ZNF418: variants seen among roughly 807,000 people sequenced by gnomAD.
The protein encoded by ZNF418 is zinc finger protein 418.
In ZNF418, 32 loss-of-function variants were observed where a neutral mutation model predicts 32.0. The ratio of observed to expected loss-of-function variants is 1.00; its 90% CI spans 0.75 to 1.34. The LOEUF is 1.34. Ranked by LOEUF, ZNF418 falls within the 40% of genes most tolerant of loss-of-function variation. The pLI, the probability that ZNF418 is intolerant of heterozygous loss-of-function variation, is 0.00. For missense variants in ZNF418, 804 were observed against 812.5 expected (o/e 0.99, Z 0.13); for synonymous variants, 276 against 270.7 (o/e 1.02, Z -0.19).
At position 57,927,833 on chromosome 19, in the gene ZNF418, C is replaced by A. The variant is rs756342594; in HGVS notation, c.348G>T (p.Gly116=). ...KQKLHRCEAW[G]NKLYDSSNRP... ...GGTTTGAACTATCATACAATTTATT[C>A]CCCCATGCCTCACACCTGTGCAGTT... The change falls in exon 4 of 6, where the codon GGG becomes GGT. Residue 116 remains glycine (G), a synonymous_variant. Transcript: ENST00000396147. 33 of 1,613,956 alleles carry A rather than the reference C, an allele frequency of 2.0e-5. No individual in the cohort carries two copies. In the South Asian group the frequency reaches 3.6e-4, roughly 18 times the overall value.
At position 57,934,175 on chromosome 19, in the gene ZNF418, G is replaced by GTTTTT; in HGVS notation, c.-80-274_-80-273insAAAAA. The GTTTTT allele has an allele frequency of 2.5e-6, 3 of 1,200,776 alleles. No individual in the cohort carries two copies. In the South Asian group the frequency reaches 7.5e-5, roughly 30 times the overall value. The allele number at this position is 1,200,776 out of a possible 1,614,324, so 74.4% of individuals were successfully genotyped here. The stretch of plus-strand genomic sequence containing the variant: ...CAGGACATCACAAGCTAGAGAACAT[G>GTTTTT]TGAATGGGGAATAAGGCCAGTGAGG... On this transcript the variant is annotated intron_variant, in intron 1 of 5. Coordinates refer to ENST00000396147, the MANE Select transcript of ZNF418 (RefSeq NM_133460.3).
At chr19:57,930,320 G>A (rs1039033312) in intron 3 of ZNF418, 108 bp downstream of exon 3, 14 of 1,547,038 alleles carry the variant, frequency 9.0e-6, no homozygotes, top group Non-Finnish European at 1.2e-5. Context: ...AGTGGAGAAG[G>A]AAGCTGTGCC....
intron 3 of ZNF418, among the ~76,000 whole-genome samples, chr19:57,928,735 T>C (rs1234606387): frequency 6.6e-6 from 1 of 151,652 alleles, no homozygotes; most frequent in Non-Finnish European, 1.5e-5. Context: ...GGCTCACACC[T>C]GTAATCCCAG....
chr19:57,924,985 A>T (rs941801734), intron 4 of ZNF418, among the ~76,000 whole-genome samples: 7 of 152,178 alleles, frequency 4.6e-5, no homozygotes, highest in African/African-American at 1.7e-4. Flanking sequence ...AAGTCTAGTG[A>T]TCCCAACAAA....
At chr19:57,930,306 G>C (rs533981192) in intron 3 of ZNF418, 122 bp downstream of exon 3, 1 of 1,481,004 alleles carries the variant, frequency 6.8e-7, no homozygotes, top group Non-Finnish European at 9.4e-7. Flanking sequence ...AACCTACCCA[G>C]AGAAGTGGAG....
At position 57,927,036 on chromosome 19, in the gene ZNF418, T is replaced by C. The variant is rs1381293258; in HGVS notation, c.1145A>G (p.Lys382Arg). The C allele has an allele frequency of 5.6e-6, 9 of 1,614,046 alleles. No homozygotes were observed. Among genetic ancestry groups the C allele is most frequent in the Non-Finnish European group, 6.8e-6 (8 of 1,180,054 alleles). The part of the protein sequence containing the change: ...CEECGKCFSQ[K>R]GTLTEHHRVH... ...TCGATGATGTTCAGTTAGGGTGCCC[T>C]TTTGACTAAAACATTTTCCACATTC... The change falls in exon 4 of 6, where the codon AAG becomes AGG. Residue 382 changes from lysine (K) to arginine (R), a missense_variant. Coordinates refer to ENST00000396147, the MANE Select transcript of ZNF418 (RefSeq NM_133460.3).
In ZNF418 at chr19:57,926,332, T is replaced by C; in HGVS notation, c.1849A>G (p.Lys617Glu). 6.2e-7 allele frequency: 1 copy of C among 1,611,682 alleles called. No homozygotes were observed. Among genetic ancestry groups the C allele is most frequent in the Non-Finnish European group, 8.5e-7 (1 of 1,178,716 alleles). ...FKHQRLHTRG[K>E]PYECSECGKS... ...CCACATTCGCTGCACTCGTAAGGCT[T>C]TCCTCGAGTATGAAGTCTCTGATGT... The change falls in exon 4 of 6, where the codon AAG becomes GAG. Residue 617 changes from lysine to glutamate, a missense_variant. This residue lies in a region of ZNF418 where 475 missense variants were observed against 458.6 expected (regional missense o/e 1.04). Coordinates refer to ENST00000396147, the MANE Select transcript of ZNF418 (RefSeq NM_133460.3).
At position 57,927,003 on chromosome 19, in the gene ZNF418, G is replaced by C; in HGVS notation, c.1178C>G (p.Thr393Ser). ...TCCACACTCATAAGGTCGTTCTCTA[G>C]TGTGAACTCGATGATGTTCAGTTAG... Reference protein sequence around the residue: ...GTLTEHHRVHTRERPYECGEC... With the variant: ...GTLTEHHRVHSRERPYECGEC... The change falls in exon 4 of 6, where the codon ACT becomes AGT. Residue 393 changes from threonine (T) to serine (S), a missense_variant. Transcript: ENST00000396147. 6.2e-7 allele frequency: 1 copy of C among 1,614,154 alleles called. No homozygotes were observed. The highest frequency in any genetic ancestry group is 2.2e-5 in the East Asian group (1 of 44,874).
rs750188839 is a variant in ZNF418 at position 57,926,632 on chromosome 19, T to A, written c.1549A>T (p.Lys517Ter). Residue 517 changes from lysine to a stop codon, truncating the protein, a stop_gained, in exon 4 of 6, where the codon AAG becomes TAG. Coordinates refer to ENST00000396147, the MANE Select transcript of ZNF418 (RefSeq NM_133460.3). LOFTEE classifies it low-confidence loss of function (END_TRUNC). ...EKPFECSECG[K>*]SFPQSCSLLR... ...AGGGAACAGCTTTGAGGAAATGACT[T>A]CCCACATTCACTACACTCAAACGGT... 6 of 1,613,992 alleles carry A rather than the reference T, an allele frequency of 3.7e-6. No homozygotes were observed. In the South Asian group the frequency reaches 5.5e-5, roughly 15 times the overall value.
rs895913953 is a variant in ZNF418, at chr19:57,925,584, G to C, written c.*527+39C>G. On this transcript the variant is annotated intron_variant, in intron 4 of 5. Coordinates refer to ENST00000396147, the MANE Select transcript of ZNF418 (RefSeq NM_133460.3). The stretch of plus-strand genomic sequence containing the variant: ...GACAGATCCATGGTCTCGCTCATCC[G>C]AAAGAAATGAGAAAGGAATGACAGC... 1.9e-5 allele frequency: 3 copies of C among 158,554 alleles called. No individual in the cohort carries two copies. In the East Asian group the frequency reaches 5.6e-4, roughly 29 times the overall value. 9.8% of individuals were successfully genotyped at this position (158,554 alleles called of 1,614,324 possible). A position where few individuals can be genotyped will look rare whatever the true frequency, so the allele number is the denominator to read the frequency against.
In ZNF418 at chr19:57,922,625, G is replaced by A; in HGVS notation, c.*630C>T. Reference sequence around the variant, plus strand: ...GGTGGGCAAAGGGAAATGCCCTTGAGATCCCTGAAAAGAAAGAAAATTCAG... The same window carrying A: ...GGTGGGCAAAGGGAAATGCCCTTGAAATCCCTGAAAAGAAAGAAAATTCAG... On this transcript the variant is annotated 3_prime_UTR_variant, in exon 6 of 6. Transcript: ENST00000396147. 2 of 398,516 alleles carry A rather than the reference G, an allele frequency of 5.0e-6. No homozygotes were observed. Among genetic ancestry groups the A allele is most frequent in the Middle Eastern group, 6.3e-4 (1 of 1,588 alleles). 24.7% of individuals were successfully genotyped at this position (398,516 alleles called of 1,614,324 possible).
intron 4 of ZNF418, among the ~76,000 whole-genome samples, chr19:57,924,518 C>T (rs2122693136): frequency 6.6e-6 from 1 of 152,364 alleles, no homozygotes; most frequent in Non-Finnish European, 1.5e-5. Flanking sequence ...CAGTCCACCA[C>T]ATACATAGTA....
Position 57,927,674 on chromosome 19 carries a change from CA to C in ZNF418, c.506del (p.Leu169CysfsTer41), listed in dbSNP as rs762887295. ...SIFIQSGKDF[L>X]PSSGLLLQEA... ...CCTGCAGCAGTAATCCTGAGCTGGG[CA>C]AAAAGTCCTTTCCACTCTGAATGAA... On this transcript the variant is annotated frameshift_variant, in exon 4 of 6. Transcript: ENST00000396147. LOFTEE classifies it high-confidence loss of function. The C allele has an allele frequency of 6.2e-7, 1 of 1,614,108 alleles. No homozygotes were observed. The highest frequency in any genetic ancestry group is 8.5e-7 in the Non-Finnish European group (1 of 1,180,008).
rs751392222 is a variant in ZNF418, at chr19:57,927,368, G to C, written c.813C>G (p.Gly271=). Residue 271 remains glycine (G), a synonymous_variant, in exon 4 of 6, where the codon GGC becomes GGG. Transcript: ENST00000396147. ...GAACTCGCTGATGCTGAACAAGGCT[G>C]CCCTTATGACTAAAAGATTTCCCAC... ...GECGKSFSHK[G]SLVQHQRVHT... 2 of 1,612,588 alleles carry C rather than the reference G, an allele frequency of 1.2e-6. No homozygotes were observed. Among genetic ancestry groups the C allele is most frequent in the South Asian group, 1.1e-5 (1 of 91,012 alleles).
chr19:57,934,115 G>A, intron 1 of ZNF418: 1 of 1,361,006 alleles, frequency 7.3e-7, no homozygotes, highest in South Asian at 1.8e-5. Flanking sequence ...AGTGTTCTCA[G>A]ATCAAAGGAC....
chr19:57,922,872 C>G (rs2072044668), intron 5 of ZNF418, among the ~76,000 whole-genome samples: 1 of 151,800 alleles, frequency 6.6e-6, no homozygotes, highest in African/African-American at 2.4e-5. Flanking sequence ...CGTGGTGGCA[C>G]ATGCCTGTCC....
At chr19:57,934,011 A>G in intron 1 of ZNF418, 109 bp from the exon 2 acceptor site, 1 of 1,513,168 alleles carries the variant, frequency 6.6e-7, no homozygotes, top group Admixed American at 2.1e-5. Context: ...TCTGTAGTTA[A>G]CCTTCAAAGT....
At position 57,927,455 on chromosome 19, in the gene ZNF418, A is replaced by G. The variant is rs1239779874; in HGVS notation, c.726T>C (p.Tyr242=). 1 of 1,614,164 alleles carries G rather than the reference A, an allele frequency of 6.2e-7. No homozygotes were observed. The change falls in exon 4 of 6, where the codon TAT becomes TAC. Residue 242 remains tyrosine, a synonymous_variant. Coordinates refer to ENST00000396147, the MANE Select transcript of ZNF418 (RefSeq NM_133460.3). ...CTCTCTGATGATTACTGACGCTATC[A>G]TATTTGCTAAAGGATTTCCCACATT... ...CWECGKSFSK[Y]DSVSNHQRVH...
Position 57,925,922 on chromosome 19 carries a change from C to T in ZNF418, c.*228G>A. 1.8e-6 allele frequency: 1 copy of T among 548,270 alleles called. No individual in the cohort carries two copies. The highest frequency in any genetic ancestry group is 3.2e-5 in the Admixed American group (1 of 30,854). The allele number at this position is 548,270 out of a possible 1,614,324, so 34.0% of individuals were successfully genotyped here. ...ATTTCCTGTACGTGTACAGTGTTTT[C>T]CTTATGAGAACAATCTGTTATCCAA... On this transcript the variant is annotated 3_prime_UTR_variant, in exon 4 of 6. Coordinates refer to ENST00000396147, the MANE Select transcript of ZNF418 (RefSeq NM_133460.3).
Sources: allele counts gnomAD v4.1 joint callset (sites outside exome capture counted in the v4.1 genomes callset), GRCh38; gene constraint gnomAD v4.1.1; regional missense constraint gnomAD v4.1.1; transcripts MANE v1.5; gene names NCBI Gene and HGNC (gene_info 2026-07-23, HGNC 2026-07-21).